SIN3A: variants seen among roughly 807,000 people sequenced by gnomAD.
The protein encoded by SIN3A is SIN3 transcription regulator family member A.
A neutral mutation model predicts 146.1 loss-of-function variants in SIN3A; 14 were observed. The observed-to-expected ratio is 0.10, with a 90% confidence interval of 0.06 to 0.15. The LOEUF (loss-of-function observed/expected upper bound fraction) is 0.15. Among genes scored for constraint, SIN3A ranks in the 10% least tolerant of loss-of-function variants. SIN3A has a pLI of 1.00. For missense variants in SIN3A, 1,028 were observed against 1,576.0 expected (o/e 0.65, Z 5.89); for synonymous variants, 572 against 572.0 (o/e 1.00, Z 0.00).
rs2072694418 is a variant in SIN3A at position 75,369,768 on chromosome 15, A to C, written c.*2211T>G. The C allele has an allele frequency of 6.6e-6, 1 of 152,254 alleles. No individual in the cohort carries two copies. The highest frequency in any genetic ancestry group is 1.5e-5 in the Non-Finnish European group (1 of 68,056). 9.4% of individuals were successfully genotyped at this position (152,254 alleles called of 1,614,324 possible). A position where few individuals can be genotyped will look rare whatever the true frequency, so the allele number is the denominator to read the frequency against. On this transcript the variant is annotated 3_prime_UTR_variant, in exon 21 of 21. Coordinates refer to ENST00000394947, the MANE Select transcript of SIN3A (RefSeq NM_001145358.2). Reference sequence around the variant, plus strand: ...ATTTCCCCTATGGTTCCAGGTCAACATGACCTTTCTTGAGGGAACACGGGG... The same window carrying C: ...ATTTCCCCTATGGTTCCAGGTCAACCTGACCTTTCTTGAGGGAACACGGGG...
chr15:75,372,944 T>G (rs928951112), intron 20 of SIN3A, among the ~76,000 whole-genome samples: 6 of 152,042 alleles, frequency 3.9e-5, no homozygotes, highest in Non-Finnish European at 8.8e-5. Context: ...AGTGAGCCAT[T>G]GATCACTTCT....
In SIN3A at chr15:75,371,928, C is replaced by CCA. The variant is rs764854469; in HGVS notation, c.*49_*50dup. The CCA allele has an allele frequency of 6.7e-7, 1 of 1,483,708 alleles. No individual in the cohort carries two copies. Among genetic ancestry groups the CCA allele is most frequent in the South Asian group, 1.1e-5 (1 of 87,368 alleles). 91.9% of individuals were successfully genotyped at this position (1,483,708 alleles called of 1,614,324 possible). ...TTCTTCAGTGTGTGAGTGCATAGGCCCACACACACATCCCCACACACACCC... is the reference window on the plus strand; with the variant it reads ...TTCTTCAGTGTGTGAGTGCATAGGCCCACACACACACATCCCCACACACACCC... On this transcript the variant is annotated 3_prime_UTR_variant, in exon 21 of 21. Transcript: ENST00000394947.
At chr15:75,397,230 T>C (rs2073321521) in intron 12 of SIN3A, among the ~76,000 whole-genome samples, 2 of 152,218 alleles carry the variant, frequency 1.3e-5, no homozygotes, top group South Asian at 2.1e-4. Context: ...AACCAACTGT[T>C]TGCAGAAGTG....
rs925917922 is a variant in SIN3A, at chr15:75,394,957, G to A, written c.2094-94C>T. On this transcript the variant is annotated intron_variant, in intron 13 of 20. Coordinates refer to ENST00000394947, the MANE Select transcript of SIN3A (RefSeq NM_001145358.2). ...AGGCTTACTTTAGTTAAAGAAAGGT[G>A]CAAAGCTATATTAGGTCTCTCAAAA... 5.8e-6 allele frequency: 7 copies of A among 1,200,658 alleles called. No individual in the cohort carries two copies. In the African/African-American group the frequency reaches 1.1e-4, roughly 18 times the overall value. 74.4% of individuals were successfully genotyped at this position (1,200,658 alleles called of 1,614,324 possible). A position where few individuals can be genotyped will look rare whatever the true frequency, so the allele number is the denominator to read the frequency against.
intron 9 of SIN3A, among the ~76,000 whole-genome samples, chr15:75,404,545 G>A (rs1010972742): frequency 1.3e-5 from 2 of 152,160 alleles, no homozygotes; most frequent in African/African-American, 4.8e-5. Context: ...CGGATCACCT[G>A]AGGTCAGGAG....
intron 18 of SIN3A, among the ~76,000 whole-genome samples, chr15:75,381,389 A>G (rs892201461): frequency 1.3e-5 from 2 of 152,214 alleles, no homozygotes; most frequent in African/African-American, 4.8e-5. Flanking sequence ...TCCTTAGAGG[A>G]GATAGCTTTA....
At chr15:75,375,010 G>C (rs1014478849) in intron 20 of SIN3A, among the ~76,000 whole-genome samples, 4 of 152,172 alleles carry the variant, frequency 2.6e-5, no homozygotes, top group African/African-American at 9.7e-5. Flanking sequence ...AAGACAGGTA[G>C]GATTCATACA....
rs1163923840 is a variant in SIN3A at position 75,407,134 on chromosome 15, T to C, written c.1328A>G (p.Lys443Arg). The C allele has an allele frequency of 6.2e-7, 1 of 1,610,278 alleles. No homozygotes were observed. The highest frequency in any genetic ancestry group is 8.5e-7 in the Non-Finnish European group (1 of 1,177,896). Residue 443 changes from lysine (K) to arginine (R), a missense_variant, in exon 9 of 21, where the codon AAA becomes AGA. Coordinates refer to ENST00000394947, the MANE Select transcript of SIN3A (RefSeq NM_001145358.2). ...AGAAGAATCCTTCAGATTGAGCAGT[T>C]TGGGTTTCTTCTGCAAAAGAAAGAT... ...GTTPPVKKKP[K>R]LLNLKDSSMA... is the part of the protein sequence containing the mutation.
chr15:75,398,603 G>A (rs187646343), intron 12 of SIN3A, among the ~76,000 whole-genome samples: 12 of 150,930 alleles, frequency 8.0e-5, no homozygotes, highest in Non-Finnish European at 1.6e-4. Flanking sequence ...GCTTAAACTC[G>A]TGAGGCAGAG....
chr15:75,399,981 G>C (rs2073381124), intron 12 of SIN3A, 59 bp downstream of exon 12: 4 of 921,976 alleles, frequency 4.3e-6, no homozygotes, highest in Non-Finnish European at 5.4e-6. Context: ...GACAGGTACT[G>C]ATAGTCTCAC....
chr15:75,395,272 T>A (rs2073281171), intron 13 of SIN3A, among the ~76,000 whole-genome samples: 1 of 152,112 alleles, frequency 6.6e-6, no homozygotes, highest in Non-Finnish European at 1.5e-5. Flanking sequence ...CTGGATACAG[T>A]CAGGAAAGTT....
chr15:75,422,528 T>G (rs1437261043), intron 3 of SIN3A, 119 bp downstream of exon 3: 4 of 1,170,648 alleles, frequency 3.4e-6, no homozygotes, highest in Non-Finnish European at 5.1e-6. Flanking sequence ...ACGGTAAAAC[T>G]TGTGATTCGA....
rs972359221 is a variant in SIN3A, at chr15:75,430,081, C to G, written c.189+106G>C. On this transcript the variant is annotated intron_variant, in intron 2 of 20. Transcript: ENST00000394947. Reference sequence around the variant, plus strand: ...TATTTTTTTTTTTACCTTACACATACTCAACAATTTTTAATATCTAACACA... The same window carrying G: ...TATTTTTTTTTTTACCTTACACATAGTCAACAATTTTTAATATCTAACACA... 9 of 800,886 alleles carry G rather than the reference C, an allele frequency of 1.1e-5. No individual in the cohort carries two copies. In the African/African-American group the frequency reaches 1.6e-4, roughly 14 times the overall value. The allele number at this position is 800,886 out of a possible 1,614,324, so 49.6% of individuals were successfully genotyped here. A position where few individuals can be genotyped will look rare whatever the true frequency, so the allele number is the denominator to read the frequency against.
At chr15:75,401,425 T>C (rs554832850) in intron 10 of SIN3A, among the ~76,000 whole-genome samples, 1 of 152,154 alleles carries the variant, frequency 6.6e-6, no homozygotes, top group African/African-American at 2.4e-5. Flanking sequence ...TCCCAGCTAC[T>C]TGGGGGGCCG....
At chr15:75,414,449 AAGTT>A (rs1178580773) in intron 3 of SIN3A, 138 bp from the exon 4 acceptor site, 2 of 398,378 alleles carry the variant, frequency 5.0e-6, no homozygotes, top group Non-Finnish European at 8.8e-6. Flanking sequence ...ATATACTTAA[AAGTT>A]AGTATGGATA....
intron 1 of SIN3A, among the ~76,000 whole-genome samples, chr15:75,433,085 C>G (rs1004394893): frequency 6.6e-6 from 1 of 152,060 alleles, no homozygotes; most frequent in Non-Finnish European, 1.5e-5. Context: ...AAGCCAAAAT[C>G]AGATGTGAAG....
intron 1 of SIN3A, among the ~76,000 whole-genome samples, chr15:75,443,146 TA>T (rs1035241170): frequency 2.0e-5 from 3 of 152,054 alleles, no homozygotes; most frequent in African/African-American, 7.2e-5. Context: ...ACTTGGTTTA[TA>T]TAACTTTACC....
chr15:75,397,059 AC>A (rs2073318450), intron 12 of SIN3A, among the ~76,000 whole-genome samples: 2 of 152,336 alleles, frequency 1.3e-5, no homozygotes, highest in East Asian at 1.9e-4. Flanking sequence ...AAGAGCAGTG[AC>A]TATCATAACT....
chr15:75,388,986 A>G (rs375367650), intron 16 of SIN3A, among the ~76,000 whole-genome samples: 1 of 152,150 alleles, frequency 6.6e-6, no homozygotes, highest in East Asian at 1.9e-4. Flanking sequence ...TCATTGTTGT[A>G]AAGAACAACA....
Sources: allele counts gnomAD v4.1 joint callset (sites outside exome capture counted in the v4.1 genomes callset), GRCh38; gene constraint gnomAD v4.1.1; transcripts MANE v1.5; gene names NCBI Gene and HGNC (gene_info 2026-07-23, HGNC 2026-07-21).